The following LIMK2 variants were observed in gnomAD, a reference collection of about 807,000 sequenced individuals.
The protein encoded by LIMK2 is LIM domain kinase 2.
A neutral mutation model predicts 75.7 loss-of-function variants in LIMK2; 35 were observed. The ratio of observed to expected loss-of-function variants is 0.46; its 90% CI spans 0.35 to 0.61. The LOEUF is 0.61. Among genes scored for constraint, LIMK2 ranks in the 20% least tolerant of loss-of-function variants. The pLI is 0.00. For synonymous variants in LIMK2, 301 were observed against 319.2 expected, an observed-to-expected ratio of 0.94 and a Z score of 0.61; for missense variants, 623 against 831.0, an observed-to-expected ratio of 0.75 and a Z score of 3.08.
At chr22:31,238,724 T>C (rs1194041062) in intron 2 of LIMK2, among the ~76,000 whole-genome samples, 1 of 152,214 alleles carries the variant, frequency 6.6e-6, no homozygotes, top group African/African-American at 2.4e-5. Flanking sequence ...CTCACCTAAC[T>C]CCTTCCTTTT....
intron 1 of LIMK2, among the ~76,000 whole-genome samples, chr22:31,214,349 T>A (rs2048372762): frequency 6.6e-6 from 1 of 152,236 alleles, no homozygotes; most frequent in South Asian, 2.1e-4. Flanking sequence ...GGCTTTGTGG[T>A]GCTTAATAAT....
chr22:31,265,846 C>T (rs1028314217), intron 7 of LIMK2, 100 bp from the exon 8 acceptor site: 37 of 877,224 alleles, frequency 4.2e-5, no homozygotes, highest in Admixed American at 6.4e-5. Context: ...AAACTATAGA[C>T]ATTGGAATGA....
chr22:31,245,248 G>A (rs1196855878), intron 2 of LIMK2, among the ~76,000 whole-genome samples: 1 of 152,182 alleles, frequency 6.6e-6, no homozygotes, highest in Non-Finnish European at 1.5e-5. Context: ...TTCTAGAACA[G>A]AGGCCGGCAA....
intron 2 of LIMK2, among the ~76,000 whole-genome samples, chr22:31,232,669 G>A (rs1192891762): frequency 1.3e-5 from 2 of 152,056 alleles, no homozygotes; most frequent in Non-Finnish European, 2.9e-5. Context: ...GAGTGCAGTG[G>A]CATGATGATA....
intron 11 of LIMK2, among the ~76,000 whole-genome samples, chr22:31,268,755 GGCTGAGGGATTAACAT>G (rs1416767153): frequency 6.6e-6 from 1 of 152,212 alleles, no homozygotes; most frequent in Non-Finnish European, 1.5e-5. Flanking sequence ...CTAGGCACTG[GGCTGAGGGATTAACAT>G]GCATGTGCAT....
intron 9 of LIMK2, 67 bp from the exon 10 acceptor site, chr22:31,267,709 G>T: frequency 6.6e-7 from 1 of 1,515,866 alleles, no homozygotes; most frequent in Non-Finnish European, 8.9e-7. Flanking sequence ...TGATTCCTTG[G>T]AGGGAAGAGG....
chr22:31,276,940 C>T (rs1175802046), intron 15 of LIMK2: 1 of 1,613,770 alleles, frequency 6.2e-7, no homozygotes, highest in African/African-American at 1.3e-5. Flanking sequence ...GCTCACGCGC[C>T]TCTACGACTG....
At chr22:31,259,844 G>C in intron 4 of LIMK2, 45 bp from the exon 5 acceptor site, 1 of 1,553,848 alleles carries the variant, frequency 6.4e-7, no homozygotes, top group Non-Finnish European at 8.7e-7. Context: ...GGGGGCTTCT[G>C]TGTGGGACTC....
At chr22:31,265,692 A>G (rs1406636902) in intron 7 of LIMK2, among the ~76,000 whole-genome samples, 1 of 152,198 alleles carries the variant, frequency 6.6e-6, no homozygotes, top group African/African-American at 2.4e-5. Context: ...CAGCTAGTAG[A>G]ATCTAGTTAA....
intron 1 of LIMK2, 52 bp from the exon 2 acceptor site, chr22:31,225,668 C>A: frequency 7.5e-7 from 1 of 1,336,418 alleles, no homozygotes; most frequent in Non-Finnish European, 1.1e-6. Flanking sequence ...GGAATCCTGT[C>A]CCTTTGCCTC....
intron 2 of LIMK2, among the ~76,000 whole-genome samples, chr22:31,250,927 G>A (rs1304381780): frequency 6.6e-6 from 1 of 152,216 alleles, no homozygotes; most frequent in Non-Finnish European, 1.5e-5. Flanking sequence ...TTCTGGGGCT[G>A]TGGTTGCAAG....
intron 1 of LIMK2, among the ~76,000 whole-genome samples, chr22:31,224,060 G>A (rs1247497667): frequency 2.0e-5 from 3 of 152,194 alleles, no homozygotes; most frequent in Non-Finnish European, 4.4e-5. Flanking sequence ...GCAGTCTGTA[G>A]TTACCCAGAG....
At chr22:31,219,108 A>G (rs2048412366) in intron 1 of LIMK2, among the ~76,000 whole-genome samples, 1 of 152,174 alleles carries the variant, frequency 6.6e-6, no homozygotes, top group African/African-American at 2.4e-5. Context: ...GCAAGTCTCA[A>G]CTTGTCTGAG....
At chr22:31,236,498 AC>A (rs1256447272) in intron 2 of LIMK2, among the ~76,000 whole-genome samples, 1 of 150,896 alleles carries the variant, frequency 6.6e-6, no homozygotes, top group African/African-American at 2.4e-5. Flanking sequence ...GGTCCCAGCT[AC>A]TCAGGAGGCT....
At position 31,267,817 on chromosome 22, in the gene LIMK2, G is replaced by A. The variant is rs1472434792; in HGVS notation, c.1170G>A (p.Lys390=). Residue 390 remains lysine, a synonymous_variant, in exon 10 of 16, where the codon AAG becomes AAA. Transcript: ENST00000331728. The part of the protein sequence containing the change: ...MRSLDHPNVL[K]FIGVLYKDKK... ...GCCTGGACCACCCCAATGTGCTCAA[G>A]TTCATTGGTGTGCTGTACAAGGATA... The A allele has an allele frequency of 1.2e-6, 2 of 1,612,492 alleles. No individual in the cohort carries two copies. The highest frequency in any genetic ancestry group is 1.7e-6 in the Non-Finnish European group (2 of 1,179,464).
Position 31,235,634 on chromosome 22 carries a change from A to G in LIMK2, c.116+9815A>G, listed in dbSNP as rs1466345773. 3.9e-5 allele frequency among the ~76,000 whole-genome samples: 6 copies of G among 152,320 alleles called. No individual in the cohort carries two copies. In the East Asian group the frequency reaches 5.8e-4, roughly 15 times the overall value. On this transcript the variant is annotated intron_variant, in intron 2 of 15. Coordinates refer to ENST00000331728, the MANE Select transcript of LIMK2 (RefSeq NM_005569.4). ...TGAAATCTGAAAAATTTCAATTCCA[A>G]TCGTAAGTTTGTTTTGTTTCATTTT... is the stretch of plus-strand genomic sequence containing the variant.
intron 1 of LIMK2, among the ~76,000 whole-genome samples, chr22:31,222,174 C>A (rs545516089): frequency 4.0e-4 from 60 of 150,932 alleles, no homozygotes; most frequent in African/African-American, 1.4e-3. Context: ...GGGTTCAAGC[C>A]ATTCTCCTGC....
intron 2 of LIMK2, among the ~76,000 whole-genome samples, chr22:31,229,381 C>CT (rs565992113): frequency 2.0e-5 from 3 of 152,224 alleles, no homozygotes; most frequent in African/African-American, 4.8e-5. Flanking sequence ...ATCTTCAGGG[C>CT]TAGGAAGGAT....
chr22:31,277,218 G>C, intron 15 of LIMK2: 15 of 1,596,872 alleles, frequency 9.4e-6, no homozygotes, highest in Non-Finnish European at 1.2e-5. Context: ...GCAATACCGG[G>C]GGACCCTGCG....
Sources: gnomAD v4.1 joint callset for allele counts (sites outside exome capture counted in the v4.1 genomes callset) on GRCh38, gnomAD v4.1.1 for gene constraint, MANE v1.5 for transcripts, NCBI Gene and HGNC (gene_info 2026-07-23, HGNC 2026-07-21) for gene names.